TENM2: variants seen among roughly 807,000 people sequenced by gnomAD.
The protein encoded by TENM2 is teneurin transmembrane protein 2.
A neutral mutation model predicts 245.2 loss-of-function variants in TENM2; 52 were observed. That is an observed-to-expected ratio of 0.21 (90% CI 0.17 to 0.27). The LOEUF is 0.27. Among genes scored for constraint, TENM2 ranks in the 10% least tolerant of loss-of-function variants. The pLI, the probability that TENM2 is intolerant of heterozygous loss-of-function variation, is 1.00. For missense variants in TENM2, 3,046 were observed against 3,666.8 expected (o/e 0.83, Z 4.37); for synonymous variants, 1,363 against 1,438.9 (o/e 0.95, Z 1.19).
intron 4 of TENM2, among the ~76,000 whole-genome samples, chr5:167,968,109 G>A (rs1441000403): frequency 2.0e-5 from 3 of 152,202 alleles, no homozygotes; most frequent in East Asian, 3.9e-4. Flanking sequence ...AAACCGTCAC[G>A]AGATACTCAG....
chr5:167,215,427 C>T, the TENM2 span, among the ~76,000 whole-genome samples: 1 of 152,132 alleles, frequency 6.6e-6, no homozygotes, highest in Non-Finnish European at 1.5e-5. Context: ...GCAGTCCAGG[C>T]TCCATAAAGT....
chr5:167,038,995 T>A, the TENM2 span, among the ~76,000 whole-genome samples: 1 of 152,172 alleles, frequency 6.6e-6, no homozygotes, highest in Admixed American at 6.5e-5. Context: ...GAGGAACAGA[T>A]ATAGGGGCAA....
intron 2 of TENM2, among the ~76,000 whole-genome samples, chr5:167,716,265 A>G (rs549062882): frequency 1.4e-4 from 22 of 152,348 alleles, no homozygotes; most frequent in African/African-American, 3.8e-4. Context: ...ATCCCAAGGT[A>G]TCTCTTTAAC....
intron 3 of TENM2, among the ~76,000 whole-genome samples, chr5:167,928,162 T>A (rs1777905425): frequency 6.6e-6 from 1 of 152,174 alleles, no homozygotes; most frequent in African/African-American, 2.4e-5. Flanking sequence ...AAGACAAATG[T>A]AAGAATTATC....
At chr5:167,715,339 C>T (rs1759187679) in intron 2 of TENM2, among the ~76,000 whole-genome samples, 1 of 152,074 alleles carries the variant, frequency 6.6e-6, no homozygotes. Context: ...ATAGTGAACA[C>T]CTGGTTTCTT....
intron 5 of TENM2, among the ~76,000 whole-genome samples, chr5:168,040,664 A>C (rs978345299): frequency 1.3e-5 from 2 of 152,230 alleles, no homozygotes; most frequent in Non-Finnish European, 2.9e-5. Context: ...CATTTCCAAG[A>C]ATGTTATCCC....
chr5:167,678,985 C>T (rs1756524664), intron 2 of TENM2, among the ~76,000 whole-genome samples: 1 of 151,974 alleles, frequency 6.6e-6, no homozygotes, highest in African/African-American at 2.4e-5. Flanking sequence ...TGACTGTAGT[C>T]AATCAGGAGT....
At position 168,247,759 on chromosome 5, in the gene TENM2, G is replaced by A. The variant is rs1418006602; in HGVS notation, c.6820G>A (p.Gly2274Arg). The A allele has an allele frequency of 6.2e-7, 1 of 1,613,946 alleles. No individual in the cohort carries two copies. The change falls in exon 27 of 29, where the codon GGG becomes AGG. Residue 2274 changes from glycine to arginine, a missense_variant. Gly to Arg is a moderately radical substitution (Grantham distance 125). Around this residue, in one of 2 missense-constraint regions of TENM2, gnomAD observed 2,704 missense variants for 3,331.9 expected, o/e 0.81. Coordinates refer to ENST00000518659, the Ensembl canonical transcript of TENM2. This position sits in a 1 kb window ranked among gnomAD's most constrained non-coding sequence, Gnocchi z 7.8. The stretch of plus-strand genomic sequence containing the variant: ...CGACGATGGCTATCTGTGCCAGAGA[G>A]GGTCTGACATCTTCGAATACAATTC...
chr5:167,132,314 C>T, the TENM2 span, among the ~76,000 whole-genome samples: 8 of 152,222 alleles, frequency 5.3e-5, no homozygotes, highest in South Asian at 1.7e-3. Context: ...AAAGGTGACC[C>T]CTATTCTGAC....
At chr5:167,607,312 A>T (rs191787310) in intron 2 of TENM2, among the ~76,000 whole-genome samples, 12 of 152,322 alleles carry the variant, frequency 7.9e-5, no homozygotes, top group Admixed American at 5.2e-4. Flanking sequence ...CACTCATCCC[A>T]GCGCTGCTCG....
chr5:167,501,857 A>T (rs536209796), intron 2 of TENM2, among the ~76,000 whole-genome samples: 1 of 152,284 alleles, frequency 6.6e-6, no homozygotes, highest in East Asian at 1.9e-4. Context: ...AGCACAAGTA[A>T]AAGAGGGGGT....
intron 4 of TENM2, among the ~76,000 whole-genome samples, chr5:167,985,165 C>G (rs1475824998): frequency 6.6e-6 from 1 of 152,220 alleles, no homozygotes; most frequent in East Asian, 1.9e-4. Context: ...CTGGAGTTCT[C>G]TAGTGCACAC....
chr5:167,554,968 T>C (rs1773171819), intron 2 of TENM2, among the ~76,000 whole-genome samples: 1 of 151,998 alleles, frequency 6.6e-6, no homozygotes, highest in African/African-American at 2.4e-5. Context: ...TATAAATTAA[T>C]TTTTTTTCAA....
chr5:167,527,451 A>C (rs1001159742), intron 2 of TENM2, among the ~76,000 whole-genome samples: 1 of 151,956 alleles, frequency 6.6e-6, no homozygotes, highest in South Asian at 2.1e-4. Flanking sequence ...TTTACTCCTC[A>C]TGTGTTGCAT....
chr5:168,026,918 A>G (rs1786676298), intron 5 of TENM2, among the ~76,000 whole-genome samples: 1 of 152,324 alleles, frequency 6.6e-6, no homozygotes, highest in Non-Finnish European at 1.5e-5. Context: ...AGGAAAATTA[A>G]TCACTTCACA....
chr5:167,864,659 G>T (rs1372591700), intron 2 of TENM2, among the ~76,000 whole-genome samples: 1 of 152,170 alleles, frequency 6.6e-6, no homozygotes, highest in Non-Finnish European at 1.5e-5. Context: ...AATTCTCTGT[G>T]CACTGTGGCA....
chr5:166,999,761 G>C, the TENM2 span, among the ~76,000 whole-genome samples: 2 of 152,094 alleles, frequency 1.3e-5, no homozygotes, highest in African/African-American at 4.8e-5. Context: ...ATTTTGAGAG[G>C]TCTTGAGTAG....
At chr5:167,593,179 G>A (rs948873084) in intron 2 of TENM2, among the ~76,000 whole-genome samples, 2 of 152,162 alleles carry the variant, frequency 1.3e-5, no homozygotes, top group East Asian at 3.9e-4. Context: ...CTCACTTTCT[G>A]TGGAATTAAT....
chr5:167,368,973 G>A (rs935321448), intron 1 of TENM2, among the ~76,000 whole-genome samples: 2 of 152,232 alleles, frequency 1.3e-5, no homozygotes, highest in South Asian at 2.1e-4. Flanking sequence ...CGGGATCCCC[G>A]CGCTGGTCTC....
Sources: allele counts gnomAD v4.1 joint callset (sites outside exome capture counted in the v4.1 genomes callset), GRCh38; gene constraint gnomAD v4.1.1; regional missense constraint gnomAD v4.1.1; non-coding constraint Gnocchi (gnomAD v3.1); transcripts MANE v1.5; gene names NCBI Gene and HGNC (gene_info 2026-07-23, HGNC 2026-07-21).